The following PSG5 variants were observed in gnomAD, a reference collection of about 807,000 sequenced individuals.
PSG5 encodes the protein pregnancy-specific beta-1-glycoprotein 5.
In PSG5, 53 loss-of-function variants were observed where a neutral mutation model predicts 37.7. That is an observed-to-expected ratio of 1.41 (90% CI 1.13 to 1.77). PSG5 has a LOEUF of 1.77. Ranked by LOEUF, PSG5 falls within the 40% of genes most tolerant of loss-of-function variation. PSG5 has a pLI of 0.00. For synonymous variants in PSG5, 221 were observed against 155.4 expected, an observed-to-expected ratio of 1.42 and a Z score of -3.14; for missense variants, 547 against 405.2, an observed-to-expected ratio of 1.35 and a Z score of -3.00.
intron 2 of PSG5, among the ~76,000 whole-genome samples, chr19:43,176,651 C>T (rs1417192901): frequency 6.6e-6 from 1 of 151,086 alleles, no homozygotes; most frequent in Non-Finnish European, 1.5e-5. Flanking sequence ...TGGCCTGGGA[C>T]TGGATGTTTC....
intron 4 of PSG5, among the ~76,000 whole-genome samples, chr19:43,173,023 G>A (rs1372560756): frequency 6.6e-6 from 1 of 151,694 alleles, no homozygotes. Flanking sequence ...CTGGCATAAA[G>A]GAGGACATAG....
chr19:43,173,163 A>C (rs1439902169), intron 4 of PSG5, among the ~76,000 whole-genome samples: 3 of 151,708 alleles, frequency 2.0e-5, no homozygotes, highest in Admixed American at 2.0e-4. Context: ...GGAAAGCTGG[A>C]TATCCAAGGG....
chr19:43,172,194 T>G (rs890621846), intron 4 of PSG5, among the ~76,000 whole-genome samples: 1 of 151,414 alleles, frequency 6.6e-6, no homozygotes, highest in Non-Finnish European at 1.5e-5. Context: ...TTGATGAAAT[T>G]CAATATTTTT....
At position 43,185,112 on chromosome 19, in the gene PSG5, C is replaced by T; in HGVS notation, c.100G>A (p.Ala34Thr). The change falls in exon 2 of 6, where the codon GCT (alanine) becomes ACT (threonine). Residue 34 changes from alanine (A) to threonine (T), a missense_variant. Ala to Thr is a moderately conservative substitution (Grantham distance 58). Coordinates refer to ENST00000342951, the MANE Select transcript of PSG5 (RefSeq NM_002781.4). ...GGCAGGGCTTCAATCGTGACTTGAGCAGTGATAGGCAGGTTCCAGAAGTTT... is the reference window on the plus strand; with the variant it reads ...GGCAGGGCTTCAATCGTGACTTGAGTAGTGATAGGCAGGTTCCAGAAGTTT... ...LLNFWNLPIT[A>T]QVTIEALPPK... is the part of the protein sequence containing the mutation. 6.2e-7 allele frequency: 1 copy of T among 1,609,562 alleles called. No homozygotes were observed.
At chr19:43,172,922 T>C (rs1473629507) in intron 4 of PSG5, among the ~76,000 whole-genome samples, 1 of 151,606 alleles carries the variant, frequency 6.6e-6, no homozygotes, top group African/African-American at 2.4e-5. Flanking sequence ...AATAGACACA[T>C]AGCTTTGAAG....
rs749019668 is a variant in PSG5 at position 43,186,273 on chromosome 19, T to A, written c.64+69A>T. On this transcript the variant is annotated intron_variant, in intron 1 of 5. Transcript: ENST00000342951. The stretch of plus-strand genomic sequence containing the variant: ...TCTTTTATTTTTTAGAACCCCATCC[T>A]CTCCAGGAGACCCAATCCAGTCACT... 11 of 1,606,408 alleles carry A rather than the reference T, an allele frequency of 6.8e-6. 1 individual carries two copies. The Admixed American group carries it at 1.0e-4, about 15-fold the overall frequency.
Position 43,168,211 on chromosome 19 carries a change from A to G in PSG5, c.*41-8T>C. On this transcript the variant is annotated splice_polypyrimidine_tract_variant and splice_region_variant and intron_variant, in intron 5 of 5. Transcript: ENST00000342951. ...AAGAATCAAAGCAACTGTCTGGGAA[A>G]GACAAAGATTTAAACTGACTATGGT... 2.5e-6 allele frequency: 1 copy of G among 400,818 alleles called. No homozygotes were observed. The highest frequency in any genetic ancestry group is 4.6e-6 in the Non-Finnish European group (1 of 217,486). The allele number at this position is 400,818 out of a possible 1,614,324, so 24.8% of individuals were successfully genotyped here. A position where few individuals can be genotyped will look rare whatever the true frequency, so the allele number is the denominator to read the frequency against.
intron 2 of PSG5, among the ~76,000 whole-genome samples, chr19:43,176,989 G>A (rs966297673): frequency 6.6e-6 from 1 of 151,750 alleles, no homozygotes; most frequent in Non-Finnish European, 1.5e-5. Flanking sequence ...TTGGTAGAAA[G>A]GGTGGGAATG....
rs749545445 is a variant in PSG5, at chr19:43,175,375, C to A, written c.804G>T (p.Pro268=). 15 of 1,612,706 alleles carry A rather than the reference C, an allele frequency of 9.3e-6. No individual in the cohort carries two copies. The highest frequency in any genetic ancestry group is 1.2e-5 in the Non-Finnish European group (14 of 1,179,284). ...CATTAATTGTCCAAAAATACTCTGC[C>A]GGTGGGTTAGATTCCGCGAAGCAGG... is the stretch of plus-strand genomic sequence containing the variant. The part of the protein sequence containing the change: ...YLSCFAESNP[P]AEYFWTINGK... Residue 268 remains proline (P), a synonymous_variant, in exon 4 of 6, where the codon CCG becomes CCT. Coordinates refer to ENST00000342951, the MANE Select transcript of PSG5 (RefSeq NM_002781.4).
At chr19:43,180,156 T>C (rs1380577102) in intron 2 of PSG5, among the ~76,000 whole-genome samples, 3 of 151,548 alleles carry the variant, frequency 2.0e-5, no homozygotes, top group African/African-American at 7.3e-5. Context: ...ATCAGTGGAT[T>C]CCAGAGTGAA....
chr19:43,168,607 C>T (rs1165166531), intron 5 of PSG5, among the ~76,000 whole-genome samples: 5 of 151,742 alleles, frequency 3.3e-5, no homozygotes, highest in Admixed American at 6.6e-5. Context: ...CTCCTGACAT[C>T]GTGATGTGCC....
chr19:43,180,390 A>G (rs1969103386), intron 2 of PSG5: 1 of 151,648 alleles, frequency 6.6e-6, no homozygotes, highest in African/African-American at 2.4e-5. Flanking sequence ...CAGTACATGT[A>G]CTGGTTTAGC....
At chr19:43,180,693 A>C (rs1599752786) in intron 2 of PSG5, 1 of 151,648 alleles carries the variant, frequency 6.6e-6, no homozygotes, top group South Asian at 2.1e-4. Context: ...TGCTGGTAGT[A>C]GTATTTCTCT....
At position 43,172,095 on chromosome 19, in the gene PSG5, TA is replaced by T. The variant is rs1206075111; in HGVS notation, c.965-1958del. Among the ~76,000 whole-genome samples the T allele has an allele frequency of 1.9e-4, 28 of 151,184 alleles. 2 individuals carry two copies. Among genetic ancestry groups the T allele is most frequent in the Admixed American group, 1.9e-3 (28 of 15,134 alleles). On this transcript the variant is annotated intron_variant, in intron 4 of 5. Coordinates refer to ENST00000342951, the MANE Select transcript of PSG5 (RefSeq NM_002781.4). Reference sequence around the variant, plus strand: ...AATAATTTTATGCAAATAAATTGGATAACCTAGATGAAATAGACAAACTCCT... The same window carrying T: ...AATAATTTTATGCAAATAAATTGGATACCTAGATGAAATAGACAAACTCCT...
rs1038094458 is a variant in PSG5 at position 43,179,713 on chromosome 19, C to T, written c.431-3565G>A. ...CCAGAGTCAAGCCTGGAGGTCAGTT[C>T]AGTCATCAGGCAGTGGAGCCACAAG... is the stretch of plus-strand genomic sequence containing the variant. On this transcript the variant is annotated intron_variant, in intron 2 of 5. Transcript: ENST00000342951. Among the ~76,000 whole-genome samples, 6 of 151,794 alleles carry T rather than the reference C, an allele frequency of 4.0e-5. No individual in the cohort carries two copies. The East Asian group carries it at 5.8e-4, about 15-fold the overall frequency.
At chr19:43,171,983 C>CAAAAAAAAAAAAAAAAAAAAAAAAAAAA (rs60198220) in intron 4 of PSG5, among the ~76,000 whole-genome samples, 4 of 105,138 alleles carry the variant, frequency 3.8e-5, no homozygotes, top group African/African-American at 1.4e-4. Context: ...TCCCTCTCTT[C>CAAAAAAAAAAAAAAAAAAAAAAAAAAAA]AAAAAAAAAA....
At chr19:43,170,243 C>G in intron 4 of PSG5, 105 bp from the exon 5 acceptor site, 1 of 1,049,026 alleles carries the variant, frequency 9.5e-7, no homozygotes, top group Admixed American at 2.1e-5. Flanking sequence ...ATTGTTTCTT[C>G]AAGTACTACA....
In PSG5 at chr19:43,177,477, G is replaced by A. The variant is rs1014062649; in HGVS notation, c.431-1329C>T. Among the ~76,000 whole-genome samples, 3 of 151,144 alleles carry A rather than the reference G, an allele frequency of 2.0e-5. 1 individual carries two copies. The highest frequency in any genetic ancestry group is 7.3e-5 in the African/African-American group (3 of 40,920). ...CAGCATCAGATTAGTGGGCAAAAGT[G>A]GGAGGTGATAAGCCAAATATATTCC... On this transcript the variant is annotated intron_variant, in intron 2 of 5. Transcript: ENST00000342951.
rs1056695472 is a variant in PSG5 at position 43,174,338 on chromosome 19, G to A, written c.964+877C>T. The A allele has an allele frequency of 7.1e-5, 42 of 587,480 alleles. 1 individual carries two copies. The African/African-American group carries it at 8.5e-4, about 12-fold the overall frequency. The allele number at this position is 587,480 out of a possible 1,614,324, so 36.4% of individuals were successfully genotyped here. A position where few individuals can be genotyped will look rare whatever the true frequency, so the allele number is the denominator to read the frequency against. On this transcript the variant is annotated intron_variant, in intron 4 of 5. Coordinates refer to ENST00000342951, the MANE Select transcript of PSG5 (RefSeq NM_002781.4). ...CACACATAGAAATAGTTAATGGTAA[G>A]TCTTATATTAGATATATATAAAGTG...
Sources: gnomAD v4.1 joint callset for allele counts (sites outside exome capture counted in the v4.1 genomes callset) on GRCh38, gnomAD v4.1.1 for gene constraint, MANE v1.5 for transcripts, NCBI Gene and HGNC (gene_info 2026-07-23, HGNC 2026-07-21) for gene names.